Variants in SLC25A53 observed in about 807,000 individuals in gnomAD.
The protein encoded by SLC25A53 is mitochondrial carrier triple repeat protein 6.
Under a neutral mutation model 15.0 loss-of-function variants are expected in SLC25A53, and 5 were observed. The observed-to-expected ratio is 0.33, with a 90% CI of 0.17 to 0.70. The LOEUF is 0.70. Among genes scored for constraint, SLC25A53 ranks in the 30% least tolerant of loss-of-function variants. The pLI is 0.67. For synonymous variants in SLC25A53, 95 were observed against 100.0 expected, an observed-to-expected ratio of 0.95 and a Z score of 0.30; for missense variants, 216 against 241.6, an observed-to-expected ratio of 0.89 and a Z score of 0.70.
intron 1 of SLC25A53, chrX:104,113,350 C>A (rs1556359921): frequency 9.0e-6 from 1 of 110,808 alleles, no homozygotes; most frequent in Non-Finnish European, 1.9e-5. Context: ...TTCCGCCTGG[C>A]GACAGTGGAG....
intron 1 of SLC25A53, among the ~76,000 whole-genome samples, chrX:104,109,069 T>C (rs1231725099): frequency 1.2e-4 from 13 of 111,564 alleles, no homozygotes; most frequent in African/African-American, 2.6e-4. Context: ...CAATCCTTAA[T>C]TGAGTAGAGT....
intron 1 of SLC25A53, among the ~76,000 whole-genome samples, chrX:104,109,568 T>C (rs1556357392): frequency 8.9e-6 from 1 of 112,291 alleles, no homozygotes; most frequent in African/African-American, 3.2e-5. Context: ...AAGGCTGCAA[T>C]TGGTCTAATG....
At chrX:104,124,516 T>C (rs971081126) in intron 1 of SLC25A53, among the ~76,000 whole-genome samples, 2 of 111,250 alleles carry the variant, frequency 1.8e-5, no homozygotes, top group African/African-American at 6.6e-5. Context: ...TGGGAGGCTC[T>C]GGAGGAGGAT....
chrX:104,151,344 C>T (rs2075484145), intron 1 of SLC25A53, among the ~76,000 whole-genome samples: 1 of 111,563 alleles, frequency 9.0e-6, no homozygotes, highest in Non-Finnish European at 1.9e-5. Context: ...ATTCACAATC[C>T]TATTTCTGCC....
At chrX:104,114,076 A>G in intron 1 of SLC25A53, 1 of 1,211,093 alleles carries the variant, frequency 8.3e-7, no homozygotes, top group Non-Finnish European at 1.1e-6. Flanking sequence ...AAGCGCGAGC[A>G]TCTTGTTGTA....
At chrX:104,112,902 G>A (rs1450090578) in intron 1 of SLC25A53, 2 of 111,858 alleles carry the variant, frequency 1.8e-5, no homozygotes, top group East Asian at 5.7e-4. Context: ...CTGCGAGGCA[G>A]GGGATGGAGC....
At chrX:104,148,436 A>G (rs1304073689) in intron 1 of SLC25A53, among the ~76,000 whole-genome samples, 3 of 107,996 alleles carry the variant, frequency 2.8e-5, no homozygotes, top group Non-Finnish European at 5.8e-5. Context: ...ATGTACCCTG[A>G]AACTTAAAGT....
chrX:104,111,173 A>G (rs2075340289), intron 1 of SLC25A53, among the ~76,000 whole-genome samples: 2 of 112,388 alleles, frequency 1.8e-5, no homozygotes, highest in Admixed American at 1.9e-4. Context: ...ACACCTCAGA[A>G]TCAACTACAG....
At chrX:104,147,126 C>T (rs1216237011) in intron 1 of SLC25A53, among the ~76,000 whole-genome samples, 3 of 111,356 alleles carry the variant, frequency 2.7e-5, no homozygotes, top group Non-Finnish European at 5.7e-5. Flanking sequence ...TGGAACAGAA[C>T]AGAGCCCTCA....
intron 1 of SLC25A53, among the ~76,000 whole-genome samples, chrX:104,138,234 G>A (rs2075441891): frequency 9.2e-6 from 1 of 108,975 alleles, no homozygotes; most frequent in African/African-American, 3.4e-5. Flanking sequence ...CAGGGAGACG[G>A]CGTCTCTACA....
intron 1 of SLC25A53, among the ~76,000 whole-genome samples, chrX:104,150,390 A>G (rs2075481382): frequency 9.0e-6 from 1 of 111,413 alleles, no homozygotes; most frequent in Non-Finnish European, 1.9e-5. Flanking sequence ...ATCACTCTGG[A>G]GGAAAAAAAG....
chrX:104,135,696 A>T (rs1468054315), intron 1 of SLC25A53, among the ~76,000 whole-genome samples: 3 of 109,355 alleles, frequency 2.7e-5, no homozygotes, highest in East Asian at 5.8e-4. Flanking sequence ...CCAGCGAAAA[A>T]CTCATCATGT....
At position 104,120,914 on chromosome X, in the gene SLC25A53, C is replaced by T. The variant is rs782570644; in HGVS notation, c.-31-15626G>A. The stretch of plus-strand genomic sequence containing the variant: ...ATTTTATGAAATGCTTTTTCTGTAT[C>T]TATTATATATGCTTTTTTCTCATTT... On this transcript the variant is annotated intron_variant, in intron 1 of 1. Transcript: ENST00000594199. Among the ~76,000 whole-genome samples, 5 of 112,117 alleles carry T rather than the reference C, an allele frequency of 4.5e-5. No individual in the cohort carries two copies. In the South Asian group the frequency reaches 1.8e-3, roughly 41 times the overall value.
chrX:104,146,137 G>C (rs1556368791), intron 1 of SLC25A53, among the ~76,000 whole-genome samples: 2 of 112,037 alleles, frequency 1.8e-5, no homozygotes, highest in African/African-American at 3.2e-5. Context: ...TCCCTGGGAT[G>C]CAAGGCTGGT....
rs150994165 is a variant in SLC25A53, at chrX:104,105,233, C to T, written c.25G>A (p.Gly9Arg). Residue 9 changes from glycine to arginine, a missense_variant, in exon 2 of 2, where the codon GGG becomes AGG. Physicochemically the swap from Gly to Arg is moderately radical, Grantham distance 125. Coordinates refer to ENST00000594199, the MANE Select transcript of SLC25A53 (RefSeq NM_001012755.5). ...CGCGTCCTGTGCTGAAGCTCCTTCC[C>T]GGGAGAGTGGTTCTGCTCCCCCATG... The part of the protein sequence containing the change: MGEQNHSP[G>R]KELQHRTRAE... The T allele has an allele frequency of 7.2e-4, 875 of 1,207,236 alleles. 1 individual carries two copies. Among genetic ancestry groups the T allele is most frequent in the Non-Finnish European group, 8.7e-4 (776 of 893,590 alleles).
chrX:104,100,059 T>G lies in SLC25A53; in HGVS notation c.*4275A>C, dbSNP rs1329550158. 2.7e-5 allele frequency: 3 copies of G among 112,136 alleles called. No individual in the cohort carries two copies. Among genetic ancestry groups the G allele is most frequent in the African/African-American group, 9.7e-5 (3 of 30,896 alleles). 9.2% of individuals were successfully genotyped at this position (112,136 alleles called of 1,213,427 possible). ...TATTGTTTCTGATTTATTATGCTTT[T>G]TCTCTCATATGCAACGTCATTTTAT... On this transcript the variant is annotated 3_prime_UTR_variant, in exon 2 of 2. Transcript: ENST00000594199.
chrX:104,145,249 T>C (rs2075462701), intron 1 of SLC25A53, among the ~76,000 whole-genome samples: 1 of 112,192 alleles, frequency 8.9e-6, no homozygotes, highest in Non-Finnish European at 1.9e-5. Context: ...AATAAAGATG[T>C]TCTTTGAAAC....
At chrX:104,119,997 C>T (rs782029010) in intron 1 of SLC25A53, among the ~76,000 whole-genome samples, 112 of 112,138 alleles carry the variant, frequency 1.0e-3, no homozygotes, top group African/African-American at 3.2e-3. Flanking sequence ...CTATATCCAG[C>T]TCATTGCCCT....
At chrX:104,145,862 C>T (rs2075464929) in intron 1 of SLC25A53, among the ~76,000 whole-genome samples, 1 of 111,814 alleles carries the variant, frequency 8.9e-6, no homozygotes, top group African/African-American at 3.3e-5. Flanking sequence ...GGATTCACAG[C>T]CAAATTCTAC....
Sources: allele counts gnomAD v4.1 joint callset (sites outside exome capture counted in the v4.1 genomes callset), GRCh38; gene constraint gnomAD v4.1.1; transcripts MANE v1.5; gene names NCBI Gene and HGNC (gene_info 2026-07-23, HGNC 2026-07-21).